Variants in XKR4 observed in about 807,000 individuals in gnomAD.
XKR4 encodes the protein XK related 4.
In XKR4, 12 loss-of-function variants were observed where a neutral mutation model predicts 53.9. That is an observed-to-expected ratio of 0.22 (90% CI 0.14 to 0.36). The LOEUF (loss-of-function observed/expected upper bound fraction) is 0.36, where lower values mean the gene tolerates loss of function less well. Among genes scored for constraint, XKR4 ranks in the 10% least tolerant of loss-of-function variants. The pLI is 1.00. For synonymous variants in XKR4, 354 were observed against 362.4 expected (o/e 0.98, Z 0.26); for missense variants, 799 against 859.5 (o/e 0.93, Z 0.88).
chr8:55,490,497 C>T (rs977429917), intron 2 of XKR4, among the ~76,000 whole-genome samples: 17 of 152,042 alleles, frequency 1.1e-4, no homozygotes, highest in Admixed American at 2.0e-4. Flanking sequence ...AATTGTACCC[C>T]GAAATTCAGC....
chr8:55,226,111 A>T (rs1817948364), intron 1 of XKR4, among the ~76,000 whole-genome samples: 1 of 152,232 alleles, frequency 6.6e-6, no homozygotes, highest in Admixed American at 6.5e-5. Context: ...AAATCCTTCA[A>T]AATGTGACCA....
intron 1 of XKR4, among the ~76,000 whole-genome samples, chr8:55,170,343 GTCA>G (rs749683704): frequency 1.3e-5 from 2 of 152,154 alleles, no homozygotes; most frequent in East Asian, 1.9e-4. Context: ...GGGGTGTGTT[GTCA>G]TCATAATAGT....
chr8:55,153,098 T>G (rs16921276), intron 1 of XKR4, among the ~76,000 whole-genome samples: 4,616 of 152,242 alleles, frequency 0.03, 179 homozygotes, highest in East Asian at 0.12. Flanking sequence ...GACCTTAGTG[T>G]GCTTCCTTGT....
chr8:55,334,764 T>C (rs981828927), intron 1 of XKR4, among the ~76,000 whole-genome samples: 1 of 152,218 alleles, frequency 6.6e-6, no homozygotes, highest in Non-Finnish European at 1.5e-5. Flanking sequence ...CTAGAATTAC[T>C]GTCTTCCACA....
chr8:55,463,061 A>C (rs1805689144), intron 2 of XKR4, among the ~76,000 whole-genome samples: 1 of 152,218 alleles, frequency 6.6e-6, no homozygotes, highest in Non-Finnish European at 1.5e-5. Context: ...CATTAGACAG[A>C]TCAACGAGAC....
chr8:55,451,142 CAGGA>C, intron 2 of XKR4: 1 of 519,948 alleles, frequency 1.9e-6, no homozygotes, highest in East Asian at 3.8e-5. Flanking sequence ...GCTGTGGCCA[CAGGA>C]AGCCCGGGTC....
intron 2 of XKR4, among the ~76,000 whole-genome samples, chr8:55,361,742 T>A (rs765165527): frequency 4.6e-5 from 7 of 152,092 alleles, no homozygotes; most frequent in Non-Finnish European, 8.8e-5. Flanking sequence ...TCCTCATTAG[T>A]CACTGCTCTG....
intron 2 of XKR4, among the ~76,000 whole-genome samples, chr8:55,402,964 A>G (rs2929007): frequency 0.095 from 14,428 of 152,182 alleles, 1,405 homozygotes; most frequent in African/African-American, 0.25. Flanking sequence ...GGAGCATCAC[A>G]AATCAGAATC....
intron 1 of XKR4, among the ~76,000 whole-genome samples, chr8:55,156,432 G>A (rs922320067): frequency 7.4e-6 from 1 of 134,610 alleles, no homozygotes; most frequent in Admixed American, 7.6e-5. Flanking sequence ...GGTGGGGAGA[G>A]GGAGGAAGGG....
chr8:55,192,971 C>G (rs1373468646), intron 1 of XKR4, among the ~76,000 whole-genome samples: 5 of 152,074 alleles, frequency 3.3e-5, no homozygotes, highest in African/African-American at 1.2e-4. Context: ...CTGTCCCCAC[C>G]CCACCCCAAG....
chr8:55,167,644 T>TATCTGAGAC (rs1817088480), intron 1 of XKR4, among the ~76,000 whole-genome samples: 1 of 152,230 alleles, frequency 6.6e-6, no homozygotes, highest in African/African-American at 2.4e-5. Flanking sequence ...TTCAGTAGTT[T>TATCTGAGAC]ATCTGAGACA....
At chr8:55,433,141 A>G (rs1444793813) in intron 2 of XKR4, among the ~76,000 whole-genome samples, 4 of 152,228 alleles carry the variant, frequency 2.6e-5, no homozygotes, top group African/African-American at 4.8e-5. Flanking sequence ...CAGCCCAAGA[A>G]TTATTTCTTA....
intron 2 of XKR4, among the ~76,000 whole-genome samples, chr8:55,472,432 G>A (rs1208775768): frequency 1.3e-5 from 2 of 152,096 alleles, no homozygotes; most frequent in Non-Finnish European, 2.9e-5. Context: ...AACATGCATT[G>A]TTATGCTGAC....
chr8:55,479,555 AG>A (rs1268287356), intron 2 of XKR4, among the ~76,000 whole-genome samples: 21 of 152,302 alleles, frequency 1.4e-4, no homozygotes, highest in Admixed American at 9.8e-4. Flanking sequence ...AAATCAGAGG[AG>A]AACTGAAGGA....
intron 1 of XKR4, among the ~76,000 whole-genome samples, chr8:55,301,859 T>C (rs1012195007): frequency 1.6e-4 from 24 of 152,238 alleles, no homozygotes; most frequent in African/African-American, 5.8e-4. Flanking sequence ...TTTTTTCTTG[T>C]AAATTGTTTG....
chr8:55,227,489 G>A (rs1817970066), intron 1 of XKR4, among the ~76,000 whole-genome samples: 1 of 152,232 alleles, frequency 6.6e-6, no homozygotes, highest in Non-Finnish European at 1.5e-5. Flanking sequence ...TCCAGCCTGA[G>A]GTTGAATCAA....
chr8:55,321,208 C>G (rs921589100), intron 1 of XKR4, among the ~76,000 whole-genome samples: 1 of 152,138 alleles, frequency 6.6e-6, no homozygotes, highest in Non-Finnish European at 1.5e-5. Flanking sequence ...GATTCGAGTT[C>G]TCTCTTCCAA....
chr8:55,203,856 T>C (rs545353618), intron 1 of XKR4, among the ~76,000 whole-genome samples: 2 of 152,324 alleles, frequency 1.3e-5, no homozygotes, highest in East Asian at 3.9e-4. Context: ...ACGTAACTTT[T>C]GTGTCCAGAG....
At chr8:55,251,829 C>G (rs1170655388) in intron 1 of XKR4, among the ~76,000 whole-genome samples, 1 of 152,186 alleles carries the variant, frequency 6.6e-6, no homozygotes, top group Non-Finnish European at 1.5e-5. Context: ...AAACACTATG[C>G]CAACATAATT....
Sources: allele counts gnomAD v4.1 joint callset (sites outside exome capture counted in the v4.1 genomes callset), GRCh38; gene constraint gnomAD v4.1.1; transcripts MANE v1.5; gene names NCBI Gene and HGNC (gene_info 2026-07-23, HGNC 2026-07-21).